TNIK: variants seen among roughly 807,000 people sequenced by gnomAD.
TNIK encodes the protein TRAF2 and NCK-interacting protein kinase.
Under a neutral mutation model 191.3 loss-of-function variants are expected in TNIK, and 49 were observed. That is an observed-to-expected ratio of 0.26 (90% CI 0.20 to 0.32). TNIK has a LOEUF of 0.32. TNIK is among the 10% of genes least tolerant of loss of function. The pLI is 1.00. For missense variants in TNIK, 1,155 were observed against 1,702.3 expected (o/e 0.68, Z 5.66); for synonymous variants, 594 against 600.9 (o/e 0.99, Z 0.17).
intron 23 of TNIK, among the ~76,000 whole-genome samples, chr3:171,088,661 G>A (rs1721670015): frequency 6.6e-6 from 1 of 152,204 alleles, no homozygotes; most frequent in Non-Finnish European, 1.5e-5. Context: ...TAACAAGTTT[G>A]GAAGCCATTG....
At chr3:171,122,003 G>A (rs1338664398) in intron 18 of TNIK, among the ~76,000 whole-genome samples, 1 of 151,814 alleles carries the variant, frequency 6.6e-6, no homozygotes, top group Non-Finnish European at 1.5e-5. Flanking sequence ...AGCATTCTTT[G>A]GATAAAGTAT....
At chr3:171,327,933 C>CAAAAAAAAAAAAAAAAAA (rs1577493797) in intron 2 of TNIK, among the ~76,000 whole-genome samples, 1 of 84,908 alleles carries the variant, frequency 1.2e-5, no homozygotes, top group Non-Finnish European at 2.6e-5. Flanking sequence ...AAAAAAAAAT[C>CAAAAAAAAAAAAAAAAAA]ACTTGTTTGG....
intron 9 of TNIK, among the ~76,000 whole-genome samples, chr3:171,172,177 C>T (rs796687631): frequency 7.2e-5 from 11 of 152,230 alleles, no homozygotes; most frequent in Admixed American, 5.2e-4. Context: ...CAGTTTATGC[C>T]TTGTATGTTG....
intron 21 of TNIK, among the ~76,000 whole-genome samples, chr3:171,105,431 C>T (rs547692146): frequency 2.6e-5 from 4 of 152,268 alleles, no homozygotes; most frequent in African/African-American, 9.6e-5. Context: ...CAAATGTCTC[C>T]TAAGGGAAGA....
rs199956319 is a variant in TNIK at position 171,362,855 on chromosome 3, AT to A, written c.123+6764del. On this transcript the variant is annotated intron_variant, in intron 2 of 32. Coordinates refer to ENST00000436636, the MANE Select transcript of TNIK (RefSeq NM_015028.4). ...CATTATACTCTTTCCACTTATAAAA[AT>A]GCTCAATTACACTCCCAGATACAGT... Among the ~76,000 whole-genome samples the A allele has an allele frequency of 2.5e-3, 380 of 152,308 alleles. 4 individuals are homozygous for A. Among genetic ancestry groups the A allele is most frequent in the African/African-American group, 8.8e-3 (366 of 41,570 alleles).
At chr3:171,170,643 CAT>C (rs1429982262) in intron 9 of TNIK, among the ~76,000 whole-genome samples, 2 of 152,192 alleles carry the variant, frequency 1.3e-5, no homozygotes, top group South Asian at 2.1e-4. Context: ...ATAAATGCCA[CAT>C]ATGTGTTTGC....
At chr3:171,428,873 A>T (rs1237045195) in intron 1 of TNIK, among the ~76,000 whole-genome samples, 2 of 151,904 alleles carry the variant, frequency 1.3e-5, no homozygotes. Flanking sequence ...CTCTTCTCTC[A>T]AACACAGCAT....
At chr3:171,169,422 C>T (rs990846797) in intron 9 of TNIK, among the ~76,000 whole-genome samples, 2 of 151,984 alleles carry the variant, frequency 1.3e-5, no homozygotes, top group Admixed American at 1.3e-4. Flanking sequence ...TGTATGACAC[C>T]ACACCTGGAT....
At chr3:171,426,229 A>G (rs547529202) in intron 1 of TNIK, among the ~76,000 whole-genome samples, 1 of 152,118 alleles carries the variant, frequency 6.6e-6, no homozygotes, top group African/African-American at 2.4e-5. Context: ...GCAGCCATAA[A>G]AAATGATGAG....
At chr3:171,134,213 C>G (rs1729678484) in intron 15 of TNIK, among the ~76,000 whole-genome samples, 1 of 152,240 alleles carries the variant, frequency 6.6e-6, no homozygotes, top group Non-Finnish European at 1.5e-5. Flanking sequence ...TTTCACAGTA[C>G]ATACCTGACA....
intron 9 of TNIK, among the ~76,000 whole-genome samples, chr3:171,169,058 G>T (rs1447196705): frequency 6.6e-6 from 1 of 152,104 alleles, no homozygotes; most frequent in Non-Finnish European, 1.5e-5. Flanking sequence ...ATGAAATAAA[G>T]GACACTCCTA....
At chr3:171,302,119 G>C (rs151082990) in intron 2 of TNIK, among the ~76,000 whole-genome samples, 2 of 152,248 alleles carry the variant, frequency 1.3e-5, no homozygotes, top group East Asian at 3.9e-4. Flanking sequence ...GGAGGGGAGT[G>C]GGGGTGAAAA....
intron 18 of TNIK, among the ~76,000 whole-genome samples, chr3:171,113,717 C>CA (rs1395314267): frequency 2.6e-5 from 4 of 151,452 alleles, no homozygotes; most frequent in African/African-American, 9.7e-5. Flanking sequence ...TTATTCCCAC[C>CA]AAAAAAAGCA....
chr3:171,163,291 C>T (rs950716335), intron 10 of TNIK, among the ~76,000 whole-genome samples: 11 of 152,284 alleles, frequency 7.2e-5, no homozygotes, highest in Non-Finnish European at 1.5e-4. Context: ...TCACATTACT[C>T]CTATCTCTTC....
intron 5 of TNIK, among the ~76,000 whole-genome samples, chr3:171,194,280 A>G (rs1370670755): frequency 6.6e-6 from 1 of 152,198 alleles, no homozygotes; most frequent in Non-Finnish European, 1.5e-5. Flanking sequence ...AAATCACCCA[A>G]TGTCAACCTA....
At chr3:171,436,547 T>C (rs1012250812) in intron 1 of TNIK, among the ~76,000 whole-genome samples, 6 of 152,216 alleles carry the variant, frequency 3.9e-5, no homozygotes, top group Non-Finnish European at 8.8e-5. Flanking sequence ...TAGTAAGCTA[T>C]AGCACCAAGA....
chr3:171,111,137 A>G (rs73037402), intron 18 of TNIK, among the ~76,000 whole-genome samples: 2,300 of 152,250 alleles, frequency 0.015, 59 homozygotes, highest in African/African-American at 0.045. Flanking sequence ...TAAAACCACA[A>G]TGAGCCAGGC....
Position 171,167,354 on chromosome 3 carries a change from T to C in TNIK, c.774-84A>G. On this transcript the variant is annotated intron_variant, in intron 9 of 32. Coordinates refer to ENST00000436636, the MANE Select transcript of TNIK (RefSeq NM_015028.4). Reference sequence around the variant, plus strand: ...TGTAATTTCTGAAATGCTGGGACTTTTTCTTTTTTTAAGGTCCAATTGGCT... The same window carrying C: ...TGTAATTTCTGAAATGCTGGGACTTCTTCTTTTTTTAAGGTCCAATTGGCT... The C allele has an allele frequency of 2.6e-6, 4 of 1,523,904 alleles. No individual in the cohort carries two copies. In the Admixed American group the frequency reaches 6.2e-5, roughly 24 times the overall value. The allele number at this position is 1,523,904 out of a possible 1,614,324, so 94.4% of individuals were successfully genotyped here.
intron 22 of TNIK, among the ~76,000 whole-genome samples, chr3:171,097,728 T>C (rs1722920044): frequency 6.6e-6 from 1 of 152,216 alleles, no homozygotes; most frequent in Non-Finnish European, 1.5e-5. Flanking sequence ...CCTCTTTTTC[T>C]TTATAACTTT....
Sources: allele counts gnomAD v4.1 joint callset (sites outside exome capture counted in the v4.1 genomes callset), GRCh38; gene constraint gnomAD v4.1.1; transcripts MANE v1.5; gene names NCBI Gene and HGNC (gene_info 2026-07-23, HGNC 2026-07-21).